Variants in TBC1D14 observed in about 807,000 individuals in gnomAD.
TBC1D14 encodes TBC1 domain family member 14, also known as TBC1 domain family, member 14.
In TBC1D14, 26 loss-of-function variants were observed where a neutral mutation model predicts 79.0. That is an observed-to-expected ratio of 0.33 (90% CI 0.24 to 0.46). TBC1D14 has a LOEUF of 0.46. TBC1D14 is among the 20% of genes least tolerant of loss of function. TBC1D14 has a pLI of 1.00. For synonymous variants in TBC1D14, 394 were observed against 349.9 expected (o/e 1.13, Z -1.40); for missense variants, 769 against 887.6 (o/e 0.87, Z 1.70).
intron 13 of TBC1D14, among the ~76,000 whole-genome samples, chr4:7,027,812 C>G (rs1322372404): frequency 6.9e-6 from 1 of 145,936 alleles, no homozygotes; most frequent in African/African-American, 2.5e-5. Flanking sequence ...ATATCACACA[C>G]CCTTAAATAC....
chr4:6,998,288 A>C (rs2109182142), intron 5 of TBC1D14, among the ~76,000 whole-genome samples: 1 of 147,674 alleles, frequency 6.8e-6, no homozygotes, highest in Middle Eastern at 3.5e-3. Flanking sequence ...TGAACCCGGG[A>C]GGCGGAGGTT....
At chr4:6,999,652 A>G (rs1719454996) in intron 6 of TBC1D14, among the ~76,000 whole-genome samples, 2 of 151,964 alleles carry the variant, frequency 1.3e-5, no homozygotes, top group South Asian at 2.1e-4. Flanking sequence ...GGGGCCTCGC[A>G]TGTTCCAGGC....
chr4:6,913,608 G>A (rs1329270356), intron 1 of TBC1D14, among the ~76,000 whole-genome samples: 1 of 152,194 alleles, frequency 6.6e-6, no homozygotes, highest in Non-Finnish European at 1.5e-5. Context: ...GATTATTAGA[G>A]CATGTGATGG....
chr4:6,924,355 T>C (rs956554965), intron 2 of TBC1D14, among the ~76,000 whole-genome samples: 2 of 152,228 alleles, frequency 1.3e-5, no homozygotes, highest in Non-Finnish European at 2.9e-5. Context: ...GCCTCTGACC[T>C]GCTGTGGCTG....
chr4:6,985,183 A>C, intron 3 of TBC1D14, among the ~76,000 whole-genome samples: 1 of 152,220 alleles, frequency 6.6e-6, no homozygotes, highest in Admixed American at 6.5e-5. Context: ...AAGAGTAAAG[A>C]CATTCTCCTA....
chr4:6,934,930 A>G (rs761382049), intron 2 of TBC1D14, among the ~76,000 whole-genome samples: 1 of 152,092 alleles, frequency 6.6e-6, no homozygotes, highest in Non-Finnish European at 1.5e-5. Context: ...AATAGAAAAA[A>G]TTATCTGGGT....
At chr4:6,916,174 G>A (rs559357926) in intron 1 of TBC1D14, among the ~76,000 whole-genome samples, 3 of 151,444 alleles carry the variant, frequency 2.0e-5, no homozygotes, top group Non-Finnish European at 2.9e-5. Flanking sequence ...AGTGGCCAGA[G>A]CTGGGTTGAT....
chr4:6,946,511 C>T (rs1444710532), intron 2 of TBC1D14, among the ~76,000 whole-genome samples: 3 of 151,982 alleles, frequency 2.0e-5, no homozygotes, highest in African/African-American at 4.8e-5. Flanking sequence ...TTGGTAGAGA[C>T]GGGGTATCAT....
chr4:6,989,875 C>T (rs897920501), intron 3 of TBC1D14, among the ~76,000 whole-genome samples: 10 of 152,126 alleles, frequency 6.6e-5, no homozygotes, highest in African/African-American at 2.2e-4. Context: ...GTGCTGCTGC[C>T]ATGTTGGTAT....
intron 3 of TBC1D14, among the ~76,000 whole-genome samples, chr4:6,977,534 G>A (rs1054449062): frequency 4.0e-5 from 6 of 149,722 alleles, no homozygotes; most frequent in Non-Finnish European, 5.9e-5. Flanking sequence ...GCCTCTGCCC[G>A]GCCGCCACCC....
intron 3 of TBC1D14, chr4:6,987,106 G>A: frequency 2.6e-6 from 2 of 763,806 alleles, no homozygotes; most frequent in Non-Finnish European, 3.2e-6. Flanking sequence ...GCCCCTCGCC[G>A]CTCATCAGCC....
At chr4:6,978,564 C>T (rs1187496217) in intron 3 of TBC1D14, among the ~76,000 whole-genome samples, 5 of 148,554 alleles carry the variant, frequency 3.4e-5, no homozygotes, top group African/African-American at 1.3e-4. Flanking sequence ...AGAGTCATCA[C>T]CACTCCCTAA....
At chr4:6,980,888 T>G (rs541319543) in intron 3 of TBC1D14, among the ~76,000 whole-genome samples, 38 of 150,324 alleles carry the variant, frequency 2.5e-4, no homozygotes, top group African/African-American at 7.6e-4. Flanking sequence ...GCTAATTTTT[T>G]GTATTTTTAG....
At position 7,008,538 on chromosome 4, in the gene TBC1D14, G is replaced by A. The variant is rs551579233; in HGVS notation, c.1447-1339G>A. On this transcript the variant is annotated intron_variant, in intron 9 of 13. Transcript: ENST00000409757. ...AGCGATTCTCTTGCCTCAGCCTCCC[G>A]AGTAGCTGGGATTACAGGCACCCAC... Among the ~76,000 whole-genome samples, 3 of 152,210 alleles carry A rather than the reference G, an allele frequency of 2.0e-5. No individual in the cohort carries two copies. In the East Asian group the frequency reaches 5.8e-4, roughly 29 times the overall value.
At chr4:6,986,636 G>T (rs1331712315) in intron 3 of TBC1D14, among the ~76,000 whole-genome samples, 1 of 152,182 alleles carries the variant, frequency 6.6e-6, no homozygotes, top group Non-Finnish European at 1.5e-5. Context: ...TGGGACCTGG[G>T]GCCCGCGGCT....
intron 1 of TBC1D14, among the ~76,000 whole-genome samples, chr4:6,911,580 C>T (rs1010308134): frequency 9.8e-5 from 15 of 152,378 alleles, no homozygotes; most frequent in Middle Eastern, 6.8e-3. Context: ...CCCTGTGTTC[C>T]TTTAGCCCCT....
intron 2 of TBC1D14, among the ~76,000 whole-genome samples, chr4:6,953,753 T>C (rs1487450340): frequency 4.0e-5 from 6 of 151,842 alleles, no homozygotes; most frequent in Admixed American, 3.3e-4. Flanking sequence ...TCCAGAGCGA[T>C]GGTTCTAGTG....
At chr4:6,942,551 C>T (rs1713012058) in intron 2 of TBC1D14, among the ~76,000 whole-genome samples, 1 of 152,240 alleles carries the variant, frequency 6.6e-6, no homozygotes, top group African/African-American at 2.4e-5. Context: ...ACAACCCAGG[C>T]TCTGGGTACC....
chr4:6,977,427 A>G (rs1033512624), intron 3 of TBC1D14, among the ~76,000 whole-genome samples: 56 of 140,420 alleles, frequency 4.0e-4, no homozygotes, highest in African/African-American at 1.3e-3. Flanking sequence ...TCAGTGCTCA[A>G]TGGTGCCCAG....
Sources: allele counts gnomAD v4.1 joint callset (sites outside exome capture counted in the v4.1 genomes callset), GRCh38; gene constraint gnomAD v4.1.1; transcripts MANE v1.5; gene names NCBI Gene and HGNC (gene_info 2026-07-23, HGNC 2026-07-21).